WWOX: variants seen among roughly 807,000 people sequenced by gnomAD.
WWOX encodes WW domain-containing oxidoreductase.
Under a neutral mutation model 46.2 loss-of-function variants are expected in WWOX, and 69 were observed. The observed-to-expected ratio is 1.49, with a 90% CI of 1.23 to 1.82. The LOEUF (loss-of-function observed/expected upper bound fraction) is 1.82. Among genes scored for constraint, WWOX ranks in the 40% most tolerant of loss-of-function variants. The pLI, the probability that WWOX is intolerant of heterozygous loss-of-function variation, is 0.00. For synonymous variants in WWOX, 359 were observed against 202.6 expected, an observed-to-expected ratio of 1.77 and a Z score of -6.56; for missense variants, 919 against 542.6, an observed-to-expected ratio of 1.69 and a Z score of -6.89.
intron 8 of WWOX, among the ~76,000 whole-genome samples, chr16:78,476,615 A>G (rs893296676): frequency 6.5e-4 from 5 of 7,696 alleles, no homozygotes; most frequent in East Asian, 2.3e-3. Context: ...TAAAAAATAC[A>G]TATTAAAAAA....
intron 6 of WWOX, among the ~76,000 whole-genome samples, chr16:78,387,748 G>C (rs958373145): frequency 3.3e-5 from 5 of 152,006 alleles, no homozygotes; most frequent in African/African-American, 1.2e-4. Flanking sequence ...GTTGAACATA[G>C]AGGTTTGAAT....
intron 5 of WWOX, among the ~76,000 whole-genome samples, chr16:78,264,016 G>GTTTTTTTTTTTTTTTTT (rs1567466234): frequency 2.0e-5 from 2 of 100,962 alleles, no homozygotes; most frequent in Non-Finnish European, 3.8e-5. Context: ...TTTTTTTTTT[G>GTTTTTTTTTTTTTTTTT]TTTTTTTGCT....
intron 8 of WWOX, among the ~76,000 whole-genome samples, chr16:78,588,442 T>G (rs571693121): frequency 6.6e-6 from 1 of 152,336 alleles, no homozygotes; most frequent in Admixed American, 6.5e-5. Context: ...AGGAAGTTCT[T>G]GTTCAGCAGC....
At chr16:78,760,185 G>T (rs527860374) in intron 8 of WWOX, among the ~76,000 whole-genome samples, 18 of 152,316 alleles carry the variant, frequency 1.2e-4, no homozygotes, top group African/African-American at 3.8e-4. Flanking sequence ...AGACGAGAGA[G>T]AGTGACAGCC....
intron 8 of WWOX, among the ~76,000 whole-genome samples, chr16:78,977,779 A>G (rs954270592): frequency 5.3e-5 from 8 of 152,080 alleles, no homozygotes; most frequent in African/African-American, 1.2e-4. Flanking sequence ...GATCCCAAAC[A>G]TGCACTCCCA....
intron 8 of WWOX, among the ~76,000 whole-genome samples, chr16:78,511,242 ACCT>A (rs1364235997): frequency 4.6e-5 from 7 of 152,044 alleles, no homozygotes; most frequent in African/African-American, 1.7e-4. Context: ...CGCACACATC[ACCT>A]CCTAGTACAA....
intron 8 of WWOX, among the ~76,000 whole-genome samples, chr16:79,078,904 T>C (rs1420302460): frequency 6.6e-6 from 1 of 152,202 alleles, no homozygotes; most frequent in East Asian, 1.9e-4. Flanking sequence ...AAATACTTCC[T>C]TTATTTCCCT....
In WWOX at chr16:79,184,334, C is replaced by T. The variant is rs995900818; in HGVS notation, c.1057-27274C>T. On this transcript the variant is annotated intron_variant, in intron 8 of 8. Transcript: ENST00000566780. ...TTTATTCAACAAATGCTTTTGAACACCCATCACTGTGACAGACAGTGGCAA... is the reference window on the plus strand; with the variant it reads ...TTTATTCAACAAATGCTTTTGAACATCCATCACTGTGACAGACAGTGGCAA... 8.5e-5 allele frequency among the ~76,000 whole-genome samples: 13 copies of T among 152,290 alleles called. No homozygotes were observed. The East Asian group carries it at 9.7e-4, about 11-fold the overall frequency.
At chr16:78,329,993 G>A (rs913068238) in intron 5 of WWOX, among the ~76,000 whole-genome samples, 2 of 152,024 alleles carry the variant, frequency 1.3e-5, no homozygotes, top group Admixed American at 6.5e-5. Context: ...GGCCTCAAGC[G>A]ATCCTCCAGC....
intron 8 of WWOX, among the ~76,000 whole-genome samples, chr16:78,651,186 C>T (rs956646168): frequency 5.3e-5 from 8 of 152,210 alleles, no homozygotes; most frequent in Non-Finnish European, 1.0e-4. Context: ...AAAGTAGCAC[C>T]ACTGTACAGC....
intron 6 of WWOX, among the ~76,000 whole-genome samples, chr16:78,389,397 A>T (rs1346955881): frequency 6.6e-6 from 1 of 152,126 alleles, no homozygotes. Context: ...AACCGCACAC[A>T]AGCTGTCACC....
At chr16:78,882,159 T>A (rs969991293) in intron 8 of WWOX, among the ~76,000 whole-genome samples, 4 of 152,270 alleles carry the variant, frequency 2.6e-5, no homozygotes, top group African/African-American at 9.6e-5. Context: ...AATAAATAGT[T>A]TTCTCCGTTT....
chr16:78,712,407 C>G (rs12149443), intron 8 of WWOX, among the ~76,000 whole-genome samples: 1 of 151,484 alleles, frequency 6.6e-6, no homozygotes, highest in African/African-American at 2.4e-5. Context: ...GAGGCTGAGG[C>G]GGGAGAATCG....
chr16:78,707,798 G>C (rs1050003146), intron 8 of WWOX, among the ~76,000 whole-genome samples: 10 of 151,400 alleles, frequency 6.6e-5, no homozygotes, highest in Admixed American at 5.9e-4. Context: ...CAGGAGAACT[G>C]CACTCTAGCC....
intron 8 of WWOX, among the ~76,000 whole-genome samples, chr16:78,576,315 C>G (rs1219086569): frequency 6.6e-6 from 1 of 152,166 alleles, no homozygotes; most frequent in African/African-American, 2.4e-5. Context: ...GTCCAGCTTT[C>G]TTTCTTTTAT....
intron 8 of WWOX, among the ~76,000 whole-genome samples, chr16:79,097,252 A>T (rs2049094896): frequency 6.6e-6 from 1 of 152,024 alleles, no homozygotes; most frequent in Non-Finnish European, 1.5e-5. Flanking sequence ...TTTGATTCCC[A>T]GGCCCTCATG....
intron 8 of WWOX, among the ~76,000 whole-genome samples, chr16:78,496,702 C>T (rs1265606517): frequency 6.6e-6 from 1 of 152,210 alleles, no homozygotes; most frequent in East Asian, 1.9e-4. Context: ...GACAACATCA[C>T]TGACAACTCA....
At chr16:78,573,199 T>C (rs1325986503) in intron 8 of WWOX, among the ~76,000 whole-genome samples, 1 of 151,992 alleles carries the variant, frequency 6.6e-6, no homozygotes, top group African/African-American at 2.4e-5. Context: ...GGCAGGAGAA[T>C]GGCGTGAACC....
chr16:78,936,154 A>G (rs7206663), intron 8 of WWOX, among the ~76,000 whole-genome samples: 17,586 of 152,210 alleles, frequency 0.12, 1,156 homozygotes, highest in Non-Finnish European at 0.15. Flanking sequence ...ATGGTGGTCC[A>G]TGGACAGAAA....
Sources: allele counts gnomAD v4.1 joint callset (sites outside exome capture counted in the v4.1 genomes callset), GRCh38; gene constraint gnomAD v4.1.1; transcripts MANE v1.5; gene names NCBI Gene and HGNC (gene_info 2026-07-23, HGNC 2026-07-21).